CADPS: variants seen among roughly 807,000 people sequenced by gnomAD.
CADPS encodes the protein calcium-dependent secretion activator 1.
CADPS carries 57 observed loss-of-function variants against 167.3 expected under a neutral mutation model. The observed-to-expected ratio is 0.34, with a 90% confidence interval of 0.28 to 0.42. The LOEUF (loss-of-function observed/expected upper bound fraction) is 0.42. Ranked by LOEUF, CADPS falls within the 20% of genes least tolerant of loss-of-function variation. The pLI is 1.00. For synonymous variants in CADPS, 676 were observed against 635.3 expected, an observed-to-expected ratio of 1.06 and a Z score of -0.96; for missense variants, 1,414 against 1,738.1, an observed-to-expected ratio of 0.81 and a Z score of 3.32.
chr3:62,499,319 T>C, intron 17 of CADPS, 51 bp from the exon 18 acceptor site: 1 of 1,112,770 alleles, frequency 9.0e-7, no homozygotes, highest in Non-Finnish European at 1.4e-6. Context: ...CAGGCTACTT[T>C]TATGGCCATT....
intron 28 of CADPS, among the ~76,000 whole-genome samples, chr3:62,436,906 C>G (rs1335417789): frequency 6.6e-6 from 1 of 151,820 alleles, no homozygotes; most frequent in Non-Finnish European, 1.5e-5. Flanking sequence ...ACGAGGAAAG[C>G]AAATGAGCTG....
intron 6 of CADPS, among the ~76,000 whole-genome samples, chr3:62,604,006 A>C (rs1257589409): frequency 7.2e-6 from 1 of 139,712 alleles, no homozygotes; most frequent in African/African-American, 2.6e-5. Flanking sequence ...TTTTTTTTTT[A>C]TTTTTAGTGG....
intron 3 of CADPS, among the ~76,000 whole-genome samples, chr3:62,748,038 T>C (rs1232029677): frequency 6.6e-6 from 1 of 151,792 alleles, no homozygotes; most frequent in Non-Finnish European, 1.5e-5. Flanking sequence ...TACATGAAGA[T>C]GGCCGGGCGT....
intron 6 of CADPS, among the ~76,000 whole-genome samples, chr3:62,604,661 A>C (rs1281188120): frequency 6.6e-6 from 1 of 152,220 alleles, no homozygotes; most frequent in Admixed American, 6.5e-5. Flanking sequence ...CCTTCTCTGA[A>C]ATGGAGCTCA....
At chr3:62,725,324 G>T (rs2076543754) in intron 3 of CADPS, among the ~76,000 whole-genome samples, 1 of 152,188 alleles carries the variant, frequency 6.6e-6, no homozygotes, top group Non-Finnish European at 1.5e-5. Context: ...ATTAAAGTTG[G>T]ATTAGTGACA....
intron 5 of CADPS, among the ~76,000 whole-genome samples, chr3:62,648,743 A>G (rs911139281): frequency 2.7e-5 from 4 of 150,926 alleles, no homozygotes; most frequent in African/African-American, 9.7e-5. Flanking sequence ...ACTCATGAAA[A>G]TCAATAAACC....
At chr3:62,609,847 T>G (rs2061244953) in intron 6 of CADPS, among the ~76,000 whole-genome samples, 1 of 152,084 alleles carries the variant, frequency 6.6e-6, no homozygotes, top group Non-Finnish European at 1.5e-5. Context: ...CCTAGAACTT[T>G]GGGAGGCTGA....
chr3:62,547,465 C>T (rs764673529), intron 11 of CADPS, among the ~76,000 whole-genome samples: 1 of 151,482 alleles, frequency 6.6e-6, no homozygotes, highest in Non-Finnish European at 1.5e-5. Context: ...ATAAAGGAGA[C>T]AGTACAGAAG....
In CADPS at chr3:62,580,052, G is replaced by A. The variant is rs149282685; in HGVS notation, c.1577+5133C>T. ...CATGCCTGTAATCCCAGCCCTTTGA[G>A]AGGCTGAGGTGGGAGGACTGCCTGA... is the stretch of plus-strand genomic sequence containing the variant. On this transcript the variant is annotated intron_variant, in intron 8 of 29. Coordinates refer to ENST00000383710, the MANE Select transcript of CADPS (RefSeq NM_003716.4). Among the ~76,000 whole-genome samples, 992 of 152,288 alleles carry A rather than the reference G, an allele frequency of 6.5e-3. 6 individuals are homozygous for A. The highest frequency in any genetic ancestry group is 0.022 in the African/African-American group (911 of 41,556).
chr3:62,657,233 T>C (rs2150356699), intron 4 of CADPS, among the ~76,000 whole-genome samples: 1 of 152,334 alleles, frequency 6.6e-6, no homozygotes, highest in South Asian at 2.1e-4. Flanking sequence ...AGGGCCAGGA[T>C]ATGAGCTACT....
At chr3:62,406,995 A>C (rs1708735464) in intron 28 of CADPS, among the ~76,000 whole-genome samples, 1 of 152,222 alleles carries the variant, frequency 6.6e-6, no homozygotes, top group East Asian at 1.9e-4. Context: ...TTTCCTGATG[A>C]AAATGGGGAC....
At chr3:62,809,694 C>T (rs1293519429) in intron 1 of CADPS, among the ~76,000 whole-genome samples, 2 of 152,102 alleles carry the variant, frequency 1.3e-5, no homozygotes, top group Non-Finnish European at 2.9e-5. Flanking sequence ...TCCACTAGAA[C>T]GTCAGGTCCA....
intron 1 of CADPS, among the ~76,000 whole-genome samples, chr3:62,785,700 G>A (rs2152695444): frequency 6.6e-6 from 1 of 152,212 alleles, no homozygotes; most frequent in South Asian, 2.1e-4. Flanking sequence ...CATATTAGGA[G>A]GTTACAACAG....
chr3:62,526,729 T>A (rs951052202), intron 13 of CADPS, among the ~76,000 whole-genome samples: 2 of 152,228 alleles, frequency 1.3e-5, no homozygotes, highest in African/African-American at 4.8e-5. Flanking sequence ...CCTGTCTCTC[T>A]TTTCAGAAAA....
intron 3 of CADPS, among the ~76,000 whole-genome samples, chr3:62,669,163 T>C (rs910741543): frequency 6.6e-6 from 1 of 152,202 alleles, no homozygotes; most frequent in Admixed American, 6.5e-5. Context: ...GCTACTTTGC[T>C]TTCTCTCTAC....
intron 21 of CADPS, among the ~76,000 whole-genome samples, chr3:62,485,433 A>C (rs562961891): frequency 6.6e-6 from 1 of 152,214 alleles, no homozygotes; most frequent in African/African-American, 2.4e-5. Flanking sequence ...TACGTTTTTC[A>C]TGACCCCTTA....
intron 1 of CADPS, among the ~76,000 whole-genome samples, chr3:62,783,389 C>A (rs1050771754): frequency 1.3e-5 from 2 of 152,076 alleles, no homozygotes; most frequent in Non-Finnish European, 1.5e-5. Flanking sequence ...AATGGTAAAC[C>A]AAGACTATTT....
chr3:62,438,159 T>C lies in CADPS; in HGVS notation c.3722A>G (p.Gln1241Arg). 1 of 1,613,766 alleles carries C rather than the reference T, an allele frequency of 6.2e-7. No individual in the cohort carries two copies. Among genetic ancestry groups the C allele is most frequent in the Non-Finnish European group, 8.5e-7 (1 of 1,179,688 alleles). The change falls in exon 28 of 30, where the codon CAG becomes CGG. Residue 1241 changes from glutamine to arginine, a missense_variant. This residue lies in a region of CADPS where 185 missense variants were observed against 251.5 expected (regional missense o/e 0.74). Coordinates refer to ENST00000383710, the MANE Select transcript of CADPS (RefSeq NM_003716.4). The surrounding 1 kb of genome is among the most constrained non-coding windows in gnomAD (Gnocchi z 4.7). ...DAYVTFVRHS[Q>R]DVLRDKVNEE... ...ATTGACCTTATCACGCAGGACATCC[T>C]GAGAATGGCGGACGAAAGTCACGTA...
chr3:62,871,520 G>A (rs576899181), intron 1 of CADPS, among the ~76,000 whole-genome samples: 5 of 152,034 alleles, frequency 3.3e-5, no homozygotes, highest in Non-Finnish European at 7.4e-5. Flanking sequence ...TTTCTAGCCA[G>A]TATCTCATAT....
Sources: allele counts gnomAD v4.1 joint callset (sites outside exome capture counted in the v4.1 genomes callset), GRCh38; gene constraint gnomAD v4.1.1; regional missense constraint gnomAD v4.1.1; non-coding constraint Gnocchi (gnomAD v3.1); transcripts MANE v1.5; gene names NCBI Gene and HGNC (gene_info 2026-07-23, HGNC 2026-07-21).